MSRA: variants seen among roughly 807,000 people sequenced by gnomAD.
The protein encoded by MSRA is methionine sulfoxide reductase A, also known as mitochondrial peptide methionine sulfoxide reductase.
MSRA carries 54 observed loss-of-function variants against 31.3 expected under a neutral mutation model. That is an observed-to-expected ratio of 1.73 (90% CI 1.39 to 2.17). The LOEUF is 2.17. Ranked by LOEUF, MSRA falls within the 30% of genes most tolerant of loss-of-function variation. MSRA has a pLI of 0.00. For synonymous variants in MSRA, 169 were observed against 116.5 expected (o/e 1.45, Z -2.90); for missense variants, 507 against 300.9 (o/e 1.69, Z -5.07).
At chr8:10,208,828 C>A (rs975975705) in intron 2 of MSRA, among the ~76,000 whole-genome samples, 1 of 152,246 alleles carries the variant, frequency 6.6e-6, no homozygotes, top group Non-Finnish European at 1.5e-5. Flanking sequence ...CTCTCCTGCT[C>A]TGGTCTTGAT....
chr8:10,279,088 C>G (rs552580103), intron 3 of MSRA, among the ~76,000 whole-genome samples: 98 of 152,254 alleles, frequency 6.4e-4, no homozygotes, highest in Non-Finnish European at 1.2e-3. Flanking sequence ...TTGTTGTTTC[C>G]TACCATAATT....
chr8:10,282,164 C>G (rs989818045), intron 3 of MSRA, among the ~76,000 whole-genome samples: 1 of 152,134 alleles, frequency 6.6e-6, no homozygotes, highest in Non-Finnish European at 1.5e-5. Flanking sequence ...ACCTTTCATC[C>G]ACAAAAGCCA....
At chr8:10,147,561 C>T (rs1382038340) in intron 1 of MSRA, among the ~76,000 whole-genome samples, 2 of 152,176 alleles carry the variant, frequency 1.3e-5, no homozygotes, top group Admixed American at 6.5e-5. Context: ...GCCAACCAAC[C>T]GTGTACAGGG....
chr8:10,175,672 A>G (rs1292973528), intron 1 of MSRA, among the ~76,000 whole-genome samples: 1 of 152,194 alleles, frequency 6.6e-6, no homozygotes, highest in Non-Finnish European at 1.5e-5. Context: ...TTGAATGAAT[A>G]CCTGACTTAT....
intron 1 of MSRA, among the ~76,000 whole-genome samples, chr8:10,067,429 A>G (rs1797511095): frequency 6.6e-6 from 1 of 152,208 alleles, no homozygotes; most frequent in Admixed American, 6.5e-5. Flanking sequence ...CTGAATAAAT[A>G]TGTGCATCAC....
intron 3 of MSRA, among the ~76,000 whole-genome samples, chr8:10,267,537 CTGGGGCAAG>C (rs920330216): frequency 2.0e-5 from 3 of 152,138 alleles, no homozygotes; most frequent in African/African-American, 7.2e-5. Flanking sequence ...TTATCTAGGG[CTGGGGCAAG>C]TGGATTTGTC....
chr8:10,316,555 TC>T (rs1176762706), intron 4 of MSRA, among the ~76,000 whole-genome samples: 2 of 108,666 alleles, frequency 1.8e-5, no homozygotes, highest in South Asian at 4.9e-4. Flanking sequence ...TCTCTCTCTC[TC>T]TCTCTCTCTC....
chr8:10,171,477 A>G (rs1232072703), intron 1 of MSRA, among the ~76,000 whole-genome samples: 1 of 151,978 alleles, frequency 6.6e-6, no homozygotes, highest in African/African-American at 2.4e-5. Context: ...TTTCCGTGAG[A>G]GAAAACAAGG....
chr8:10,218,233 G>C (rs1235789280), intron 2 of MSRA, among the ~76,000 whole-genome samples: 4 of 151,754 alleles, frequency 2.6e-5, no homozygotes, highest in Non-Finnish European at 5.9e-5. Context: ...TGCAACCTCT[G>C]CCTCCCAGGT....
intron 2 of MSRA, 60 bp from the exon 3 acceptor site, chr8:10,245,044 G>C: frequency 6.4e-7 from 1 of 1,561,416 alleles, no homozygotes; most frequent in African/African-American, 1.4e-5. Flanking sequence ...ATGTGGATGT[G>C]CAATGACCAC....
At chr8:10,279,448 C>T (rs1028663285) in intron 3 of MSRA, among the ~76,000 whole-genome samples, 1 of 152,168 alleles carries the variant, frequency 6.6e-6, no homozygotes, top group Non-Finnish European at 1.5e-5. Context: ...TTTGGCATCT[C>T]ATCTTTGGGG....
At chr8:10,055,730 C>A (rs976464466) in intron 1 of MSRA, among the ~76,000 whole-genome samples, 1 of 152,168 alleles carries the variant, frequency 6.6e-6, no homozygotes, top group Non-Finnish European at 1.5e-5. Context: ...GTTTCTTTTT[C>A]TTTTCCTTCA....
At chr8:10,160,356 G>A (rs551219865) in intron 1 of MSRA, among the ~76,000 whole-genome samples, 3 of 152,108 alleles carry the variant, frequency 2.0e-5, no homozygotes, top group East Asian at 2.0e-4. Flanking sequence ...TTAGCCAGGC[G>A]TGGTGGTGGG....
chr8:10,335,321 G>T (rs1324098179), intron 5 of MSRA, among the ~76,000 whole-genome samples: 1 of 126,390 alleles, frequency 7.9e-6, no homozygotes, highest in Non-Finnish European at 1.6e-5. Context: ...TCTACTCACA[G>T]ACACTGCACG....
chr8:10,108,619 G>A (rs1039067401), intron 1 of MSRA, among the ~76,000 whole-genome samples: 12 of 152,104 alleles, frequency 7.9e-5, no homozygotes, highest in East Asian at 3.8e-4. Flanking sequence ...TAAACACCCC[G>A]AGGAAGTTTG....
intron 1 of MSRA, among the ~76,000 whole-genome samples, chr8:10,108,322 C>G (rs1224492686): frequency 6.6e-6 from 1 of 152,124 alleles, no homozygotes. Context: ...CACATTAACT[C>G]CTGTTTGTTG....
chr8:10,169,574 G>A (rs1288928140), intron 1 of MSRA, among the ~76,000 whole-genome samples: 1 of 152,070 alleles, frequency 6.6e-6, no homozygotes, highest in African/African-American at 2.4e-5. Flanking sequence ...GTGATTCTTA[G>A]ATAAGACACA....
At chr8:10,372,136 T>A (rs1805513327) in intron 5 of MSRA, among the ~76,000 whole-genome samples, 1 of 152,196 alleles carries the variant, frequency 6.6e-6, no homozygotes, top group African/African-American at 2.4e-5. Flanking sequence ...TGGAAGGGCA[T>A]CGTTAGCTCT....
At chr8:10,197,252 T>G (rs1278935052) in intron 1 of MSRA, among the ~76,000 whole-genome samples, 1 of 152,236 alleles carries the variant, frequency 6.6e-6, no homozygotes, top group Non-Finnish European at 1.5e-5. Context: ...TAATATTATA[T>G]GCTTATCACA....
Sources: allele counts gnomAD v4.1 joint callset (sites outside exome capture counted in the v4.1 genomes callset), GRCh38; gene constraint gnomAD v4.1.1; transcripts MANE v1.5; gene names NCBI Gene and HGNC (gene_info 2026-07-23, HGNC 2026-07-21).